TMC7: variants seen among roughly 807,000 people sequenced by gnomAD.
The protein encoded by TMC7 is transmembrane channel-like protein 7.
Under a neutral mutation model 82.9 loss-of-function variants are expected in TMC7, and 54 were observed. That is an observed-to-expected ratio of 0.65 (90% CI 0.52 to 0.82). TMC7 has a LOEUF of 0.82. TMC7 is among the 40% of genes least tolerant of loss of function. The pLI is 0.00. For synonymous variants in TMC7, 350 were observed against 337.9 expected, an observed-to-expected ratio of 1.04 and a Z score of -0.39; for missense variants, 820 against 901.2, an observed-to-expected ratio of 0.91 and a Z score of 1.15.
chr16:18,990,918 A>C (rs1226739560), intron 1 of TMC7, among the ~76,000 whole-genome samples: 4 of 152,326 alleles, frequency 2.6e-5, no homozygotes, highest in Admixed American at 1.3e-4. Context: ...GCTTCAGGCC[A>C]TCTGGATGTA....
At chr16:19,005,592 A>C (rs1176658312) in intron 1 of TMC7, among the ~76,000 whole-genome samples, 3 of 152,132 alleles carry the variant, frequency 2.0e-5, no homozygotes, top group Admixed American at 6.5e-5. Context: ...CTGGTGGGTG[A>C]CAGGCCAGTA....
chr16:19,049,161 T>C (rs1353254748), intron 12 of TMC7, among the ~76,000 whole-genome samples: 1 of 152,048 alleles, frequency 6.6e-6, no homozygotes, highest in East Asian at 1.9e-4. Flanking sequence ...GCAGCTGGGA[T>C]TACAGGCATG....
At chr16:19,045,500 C>G in intron 11 of TMC7, 62 bp downstream of exon 11, 2 of 1,145,884 alleles carry the variant, frequency 1.7e-6, no homozygotes, top group South Asian at 1.2e-5. Context: ...CACACATACA[C>G]ACACACACAA....
intron 1 of TMC7, among the ~76,000 whole-genome samples, chr16:19,005,213 C>T (rs994789844): frequency 1.3e-5 from 2 of 151,954 alleles, no homozygotes; most frequent in Admixed American, 1.3e-4. Context: ...TTCAGCCTCC[C>T]AAGTTAGCTG....
At chr16:19,004,229 A>T (rs1047535947) in intron 1 of TMC7, among the ~76,000 whole-genome samples, 2 of 152,130 alleles carry the variant, frequency 1.3e-5, no homozygotes, top group Non-Finnish European at 2.9e-5. Flanking sequence ...TTTTGTTTGA[A>T]GTTGAGGAAC....
At chr16:18,998,011 C>A (rs1450630093) in intron 1 of TMC7, among the ~76,000 whole-genome samples, 1 of 152,044 alleles carries the variant, frequency 6.6e-6, no homozygotes, top group Non-Finnish European at 1.5e-5. Flanking sequence ...GGATTACAGG[C>A]GTGAGCCACC....
At chr16:19,013,609 G>A (rs538356858) in intron 2 of TMC7, among the ~76,000 whole-genome samples, 2 of 151,666 alleles carry the variant, frequency 1.3e-5, no homozygotes, top group African/African-American at 2.4e-5. Context: ...CCTCTGCCTC[G>A]CGGGTTTCAG....
intron 6 of TMC7, among the ~76,000 whole-genome samples, chr16:19,033,974 C>T (rs1960628494): frequency 6.6e-6 from 1 of 152,210 alleles, no homozygotes; most frequent in African/African-American, 2.4e-5. Flanking sequence ...AAAATAACCT[C>T]TTTCATCTAC....
chr16:19,023,540 AG>A (rs1199318426), intron 5 of TMC7, among the ~76,000 whole-genome samples: 1 of 152,036 alleles, frequency 6.6e-6, no homozygotes, highest in East Asian at 1.9e-4. Flanking sequence ...TCTGCTTCCT[AG>A]GTTCAAGTGA....
rs1223722684 is a variant in TMC7 at position 19,015,095 on chromosome 16, C to A, written c.312-1355C>A. Among the ~76,000 whole-genome samples the A allele has an allele frequency of 2.0e-5, 3 of 151,998 alleles. No homozygotes were observed. In the East Asian group the frequency reaches 5.8e-4, roughly 29 times the overall value. On this transcript the variant is annotated intron_variant, in intron 2 of 15. Transcript: ENST00000304381. ...TCTCCTGCCTCAGCCTCCCTAGTAG[C>A]TGGGATTACAGGTGCCTGCCACCAT... is the stretch of plus-strand genomic sequence containing the variant.
intron 2 of TMC7, 85 bp downstream of exon 2, chr16:19,009,500 A>C (rs887401665): frequency 2.0e-6 from 3 of 1,479,996 alleles, no homozygotes; most frequent in Non-Finnish European, 2.7e-6. Context: ...TTTCCTGAAG[A>C]GCTCATATAA....
intron 1 of TMC7, among the ~76,000 whole-genome samples, chr16:18,990,527 C>T (rs2038931894): frequency 6.6e-6 from 1 of 152,094 alleles, no homozygotes; most frequent in Non-Finnish European, 1.5e-5. Flanking sequence ...ACTCCTGTCT[C>T]ACGTGTCCGT....
At chr16:19,053,655 G>A (rs1238136037) in intron 13 of TMC7, among the ~76,000 whole-genome samples, 3 of 152,006 alleles carry the variant, frequency 2.0e-5, no homozygotes, top group African/African-American at 4.8e-5. Flanking sequence ...TGACTGCCTC[G>A]GTCTCCCAAA....
intron 2 of TMC7, among the ~76,000 whole-genome samples, chr16:19,015,428 G>A (rs1039888436): frequency 1.3e-5 from 2 of 151,790 alleles, no homozygotes; most frequent in African/African-American, 4.8e-5. Context: ...TGCCTGGCCC[G>A]TCATTCCTTT....
intron 14 of TMC7, 114 bp from the exon 15 acceptor site, chr16:19,059,302 G>C (rs1961901768): frequency 6.6e-7 from 1 of 1,517,196 alleles, no homozygotes; most frequent in Non-Finnish European, 8.8e-7. Flanking sequence ...ATCATGCCCA[G>C]CCTTCTTTTC....
At chr16:19,032,322 C>T (rs138357149) in intron 6 of TMC7, among the ~76,000 whole-genome samples, 4 of 152,172 alleles carry the variant, frequency 2.6e-5, no homozygotes, top group East Asian at 3.9e-4. Context: ...GTGAGATGAA[C>T]GTGAACTAGT....
At chr16:19,014,998 C>G (rs146798201) in intron 2 of TMC7, among the ~76,000 whole-genome samples, 7 of 151,668 alleles carry the variant, frequency 4.6e-5, no homozygotes, top group Non-Finnish European at 7.4e-5. Context: ...GAGTCTCGCT[C>G]TGTCACCCAG....
At chr16:19,015,755 T>C (rs1959654670) in intron 2 of TMC7, among the ~76,000 whole-genome samples, 1 of 151,906 alleles carries the variant, frequency 6.6e-6, no homozygotes, top group Non-Finnish European at 1.5e-5. Context: ...TTTGTATTTT[T>C]AGTAGAGATG....
intron 1 of TMC7, among the ~76,000 whole-genome samples, chr16:19,007,756 C>A (rs2039267700): frequency 6.6e-6 from 1 of 151,660 alleles, no homozygotes; most frequent in African/African-American, 2.4e-5. Flanking sequence ...CTCATATCAC[C>A]TCTGTCCCCT....
Sources: gnomAD v4.1 joint callset for allele counts (sites outside exome capture counted in the v4.1 genomes callset) on GRCh38, gnomAD v4.1.1 for gene constraint, MANE v1.5 for transcripts, NCBI Gene and HGNC (gene_info 2026-07-23, HGNC 2026-07-21) for gene names.